Variants in TTC28 observed in about 807,000 individuals in gnomAD.
The protein encoded by TTC28 is tetratricopeptide repeat protein 28.
A neutral mutation model predicts 198.0 loss-of-function variants in TTC28; 61 were observed. The ratio of observed to expected loss-of-function variants is 0.31; its 90% CI spans 0.25 to 0.38. The LOEUF (loss-of-function observed/expected upper bound fraction) is 0.38, where lower values mean the gene tolerates loss of function less well. TTC28 is among the 10% of genes least tolerant of loss of function. The probability of loss-of-function intolerance (pLI) is 1.00; values close to 1 mark genes in which losing one functional copy is unlikely to be tolerated. For missense variants in TTC28, 2,678 were observed against 3,164.0 expected (o/e 0.85, Z 3.69); for synonymous variants, 1,171 against 1,297.8 (o/e 0.90, Z 2.10).
chr22:28,634,343 C>T (rs2051229927), intron 1 of TTC28, among the ~76,000 whole-genome samples: 1 of 151,904 alleles, frequency 6.6e-6, no homozygotes, highest in African/African-American at 2.4e-5. Flanking sequence ...AACCCCGTCT[C>T]TATTAAAAAT....
At chr22:28,202,498 C>T (rs1416461757) in intron 5 of TTC28, among the ~76,000 whole-genome samples, 1 of 151,162 alleles carries the variant, frequency 6.6e-6, no homozygotes, top group Non-Finnish European at 1.5e-5. Context: ...GATCGCACCA[C>T]TGCACTCCAG....
chr22:28,045,071 A>G (rs556443885), intron 12 of TTC28, among the ~76,000 whole-genome samples: 1 of 152,286 alleles, frequency 6.6e-6, no homozygotes, highest in Non-Finnish European at 1.5e-5. Context: ...AAGTGTTAGC[A>G]ATGGAGTTTT....
chr22:28,114,587 T>C (rs1182904676), intron 6 of TTC28, among the ~76,000 whole-genome samples: 3 of 151,784 alleles, frequency 2.0e-5, no homozygotes, highest in African/African-American at 7.3e-5. Context: ...AGATTTTTTT[T>C]TTTTTTTTTT....
intron 6 of TTC28, among the ~76,000 whole-genome samples, chr22:28,127,581 G>A (rs1234071723): frequency 6.6e-6 from 1 of 152,146 alleles, no homozygotes; most frequent in Non-Finnish European, 1.5e-5. Flanking sequence ...GACTTCGTAT[G>A]AGAAAAGGAA....
intron 2 of TTC28, among the ~76,000 whole-genome samples, chr22:28,575,241 T>C (rs1184202489): frequency 1.3e-5 from 2 of 152,218 alleles, no homozygotes; most frequent in African/African-American, 4.8e-5. Context: ...CTTCTCCATA[T>C]GGATATCCAG....
intron 11 of TTC28, among the ~76,000 whole-genome samples, chr22:28,095,478 C>A (rs1401855568): frequency 2.0e-5 from 3 of 151,936 alleles, no homozygotes; most frequent in African/African-American, 7.3e-5. Context: ...TCAAGAAGCT[C>A]ATTCTTTAAG....
intron 12 of TTC28, among the ~76,000 whole-genome samples, chr22:28,090,919 A>G (rs1941793833): frequency 6.6e-6 from 1 of 152,212 alleles, no homozygotes; most frequent in Non-Finnish European, 1.5e-5. Flanking sequence ...TAACAAGATT[A>G]CTCCAAAGCA....
At chr22:28,574,762 T>C (rs1379510787) in intron 2 of TTC28, among the ~76,000 whole-genome samples, 1 of 152,198 alleles carries the variant, frequency 6.6e-6, no homozygotes, top group Non-Finnish European at 1.5e-5. Context: ...TGATTTGCAT[T>C]TTTCTGATAA....
At chr22:28,349,021 A>G (rs2045950866) in intron 2 of TTC28, among the ~76,000 whole-genome samples, 1 of 152,108 alleles carries the variant, frequency 6.6e-6, no homozygotes, top group Non-Finnish European at 1.5e-5. Flanking sequence ...AAAATCAATA[A>G]TCTGCTGCTC....
At chr22:28,494,899 G>C (rs1352641481) in intron 2 of TTC28, among the ~76,000 whole-genome samples, 1 of 151,880 alleles carries the variant, frequency 6.6e-6, no homozygotes, top group Non-Finnish European at 1.5e-5. Context: ...AGAAAATATT[G>C]CATTGATGAA....
rs5752698 is a variant in TTC28, at chr22:28,122,282, T to C, written c.1442-13879A>G. 2.7e-3 allele frequency among the ~76,000 whole-genome samples: 410 copies of C among 152,248 alleles called. 16 individuals are homozygous for C. The East Asian group carries it at 0.051, about 19-fold the overall frequency. ...CCATGAGGCTTAAGAGGCGAGAATA[T>C]AAGAAAGGCCAAGAGGACTGCAGAG... On this transcript the variant is annotated intron_variant, in intron 6 of 22. Transcript: ENST00000397906.
At chr22:28,182,262 A>G (rs1271150010) in intron 5 of TTC28, among the ~76,000 whole-genome samples, 1 of 152,144 alleles carries the variant, frequency 6.6e-6, no homozygotes, top group East Asian at 1.9e-4. Context: ...ATTCTATCAC[A>G]ATGCTATCCA....
At chr22:28,105,186 T>C (rs1942258452) in intron 8 of TTC28, 93 bp downstream of exon 8, 1 of 1,378,940 alleles carries the variant, frequency 7.3e-7, no homozygotes, top group Non-Finnish European at 9.8e-7. Context: ...AGGTGGCCAT[T>C]CAAACTGTGC....
intron 2 of TTC28, among the ~76,000 whole-genome samples, chr22:28,476,144 C>T (rs745393402): frequency 1.4e-4 from 22 of 152,192 alleles, no homozygotes; most frequent in African/African-American, 1.9e-4. Flanking sequence ...CCCATGCCAT[C>T]TACCTGCCTC....
chr22:28,161,668 G>GA (rs772265196), intron 6 of TTC28, among the ~76,000 whole-genome samples: 1 of 145,464 alleles, frequency 6.9e-6, no homozygotes, highest in Non-Finnish European at 1.5e-5. Flanking sequence ...AAGAAAGAAA[G>GA]AAAAGGAAGA....
chr22:27,996,635 A>G (rs1024648061), intron 16 of TTC28, among the ~76,000 whole-genome samples: 33 of 152,164 alleles, frequency 2.2e-4, no homozygotes, highest in African/African-American at 8.0e-4. Context: ...CCTCCTTGCC[A>G]TGGGGGCCAT....
chr22:28,390,059 T>C (rs942062169), intron 2 of TTC28, among the ~76,000 whole-genome samples: 2 of 151,060 alleles, frequency 1.3e-5, no homozygotes, highest in Non-Finnish European at 3.0e-5. Context: ...TTCTCGTTGG[T>C]TTCAAAGAAC....
chr22:28,510,269 A>G (rs2048669927), intron 2 of TTC28, among the ~76,000 whole-genome samples: 1 of 152,222 alleles, frequency 6.6e-6, no homozygotes, highest in Admixed American at 6.5e-5. Flanking sequence ...AAAATCCTCA[A>G]TAAAATACTG....
At chr22:28,495,545 T>C (rs990120002) in intron 2 of TTC28, among the ~76,000 whole-genome samples, 1 of 152,190 alleles carries the variant, frequency 6.6e-6, no homozygotes, top group Non-Finnish European at 1.5e-5. Context: ...TTTCTTCCCA[T>C]GCTTCATTTC....
Sources: allele counts gnomAD v4.1 joint callset (sites outside exome capture counted in the v4.1 genomes callset), GRCh38; gene constraint gnomAD v4.1.1; transcripts MANE v1.5; gene names NCBI Gene and HGNC (gene_info 2026-07-23, HGNC 2026-07-21).